The following GABRB1 variants were observed in gnomAD, a reference collection of about 807,000 sequenced individuals.
The protein encoded by GABRB1 is gamma-aminobutyric acid type A receptor subunit beta1.
In GABRB1, 17 loss-of-function variants were observed where a neutral mutation model predicts 51.6. The observed-to-expected ratio is 0.33, with a 90% CI of 0.23 to 0.49. The LOEUF is 0.49. Ranked by LOEUF, GABRB1 falls within the 20% of genes least tolerant of loss-of-function variation. The probability of loss-of-function intolerance (pLI) is 0.99; values close to 1 mark genes in which losing one functional copy is unlikely to be tolerated. For synonymous variants in GABRB1, 247 were observed against 218.9 expected, an observed-to-expected ratio of 1.13 and a Z score of -1.14; for missense variants, 410 against 600.6, an observed-to-expected ratio of 0.68 and a Z score of 3.32.
chr4:47,404,501 A>G (rs1031323103), intron 7 of GABRB1, among the ~76,000 whole-genome samples: 1 of 123,300 alleles, frequency 8.1e-6, no homozygotes, highest in Non-Finnish European at 1.7e-5. Context: ...ACACACACAC[A>G]CACACACACA....
chr4:47,031,181 G>T (rs866927113), upstream of GABRB1, among the ~76,000 whole-genome samples: 25 of 151,694 alleles, frequency 1.6e-4, no homozygotes, highest in Middle Eastern at 0.01. Context: ...ACATCCTCCC[G>T]GTGCCCGCCA....
intron 2 of GABRB1, among the ~76,000 whole-genome samples, 166 bp from the exon 3 acceptor site, chr4:47,032,251 G>T (rs776623107): frequency 6.6e-6 from 1 of 151,950 alleles, no homozygotes; most frequent in Non-Finnish European, 1.5e-5. Context: ...ACTGCATCAC[G>T]CGTGTGCCCA....
chr4:47,023,706 CAT>C (rs1299557071), intron 1 of GABRB1, among the ~76,000 whole-genome samples: 2 of 151,710 alleles, frequency 1.3e-5, no homozygotes, highest in African/African-American at 4.9e-5. Flanking sequence ...TGGGATTTCA[CAT>C]GTGTAAATAA....
intron 4 of GABRB1, among the ~76,000 whole-genome samples, chr4:47,291,577 T>C (rs1234255491): frequency 1.3e-5 from 2 of 151,998 alleles, no homozygotes; most frequent in African/African-American, 4.8e-5. Context: ...TGCCAGCCCA[T>C]GAAAGCAACT....
At chr4:47,139,932 A>G (rs1292042560) in intron 3 of GABRB1, among the ~76,000 whole-genome samples, 1 of 152,046 alleles carries the variant, frequency 6.6e-6, no homozygotes, top group Non-Finnish European at 1.5e-5. Flanking sequence ...CAACAAAAGT[A>G]CATATAATTT....
intron 3 of GABRB1, among the ~76,000 whole-genome samples, chr4:47,041,902 G>A (rs138245030): frequency 5.6e-4 from 85 of 151,974 alleles, no homozygotes; most frequent in African/African-American, 1.9e-3. Context: ...ACTTCAAATC[G>A]TATTTTTTCT....
chr4:47,019,888 A>AATATATGTATATGTATATG, intron 1 of GABRB1, among the ~76,000 whole-genome samples: 1 of 139,684 alleles, frequency 7.2e-6, no homozygotes, highest in East Asian at 2.0e-4. Flanking sequence ...TATATATATA[A>AATATATGTATATGTATATG]TATATGTATA....
intron 4 of GABRB1, among the ~76,000 whole-genome samples, chr4:47,242,047 C>A (rs1177145254): frequency 3.3e-5 from 5 of 152,038 alleles, no homozygotes; most frequent in Non-Finnish European, 7.4e-5. Context: ...TCCACCCACC[C>A]CACGACAGGC....
intron 5 of GABRB1, among the ~76,000 whole-genome samples, chr4:47,382,619 T>G (rs1228879675): frequency 6.6e-6 from 1 of 152,210 alleles, no homozygotes; most frequent in Admixed American, 6.5e-5. Context: ...GTCATGGAAC[T>G]CTGTACTTCC....
intron 3 of GABRB1, among the ~76,000 whole-genome samples, chr4:47,046,258 C>T (rs752490717): frequency 6.6e-6 from 1 of 151,972 alleles, no homozygotes; most frequent in African/African-American, 2.4e-5. Flanking sequence ...TGAGGACGGA[C>T]TAATACAGTG....
At chr4:47,062,559 A>G (rs1726889131) in intron 3 of GABRB1, among the ~76,000 whole-genome samples, 1 of 152,046 alleles carries the variant, frequency 6.6e-6, no homozygotes, top group Admixed American at 6.5e-5. Context: ...CGTATATCCT[A>G]GGAGAATATA....
At chr4:47,193,852 C>T (rs1042842157) in intron 4 of GABRB1, among the ~76,000 whole-genome samples, 22 of 152,118 alleles carry the variant, frequency 1.4e-4, no homozygotes, top group African/African-American at 4.8e-4. Context: ...CATCATCTGA[C>T]AATGATAGAT....
chr4:47,089,152 C>T (rs74778188), intron 3 of GABRB1, among the ~76,000 whole-genome samples: 4,733 of 152,264 alleles, frequency 0.031, 93 homozygotes, highest in Non-Finnish European at 0.048. Flanking sequence ...GGAAAAACCT[C>T]CAAAACCTTA....
At chr4:47,062,580 C>T (rs575409790) in intron 3 of GABRB1, among the ~76,000 whole-genome samples, 2 of 151,992 alleles carry the variant, frequency 1.3e-5, no homozygotes, top group East Asian at 3.9e-4. Flanking sequence ...ATATTTTGCT[C>T]TTCTTCTTCA....
intron 4 of GABRB1, among the ~76,000 whole-genome samples, chr4:47,243,619 A>T (rs1395552026): frequency 6.6e-6 from 1 of 152,080 alleles, no homozygotes; most frequent in Non-Finnish European, 1.5e-5. Flanking sequence ...TGTAAGTTGG[A>T]TTCCTAGGTA....
At chr4:47,363,556 G>A (rs966951182) in intron 5 of GABRB1, among the ~76,000 whole-genome samples, 1 of 152,098 alleles carries the variant, frequency 6.6e-6, no homozygotes, top group Non-Finnish European at 1.5e-5. Flanking sequence ...ATACCAGTAA[G>A]CAGAAAGAGG....
At chr4:47,178,862 A>C (rs1468140156) in intron 4 of GABRB1, among the ~76,000 whole-genome samples, 1 of 152,082 alleles carries the variant, frequency 6.6e-6, no homozygotes, top group Non-Finnish European at 1.5e-5. Flanking sequence ...CAGTATAATG[A>C]GTCGCTTTGT....
At chr4:47,028,167 A>G (rs1412796289), upstream of GABRB1, among the ~76,000 whole-genome samples, 1 of 151,668 alleles carries the variant, frequency 6.6e-6, no homozygotes, top group African/African-American at 2.4e-5. Flanking sequence ...TATTTTTTTA[A>G]ATATTTTCTA....
upstream of GABRB1, among the ~76,000 whole-genome samples, chr4:47,029,928 T>C (rs538521197): frequency 6.6e-6 from 1 of 152,260 alleles, no homozygotes; most frequent in Admixed American, 6.5e-5. Context: ...CACAATAATG[T>C]CTTGATATCT....
Sources: allele counts gnomAD v4.1 joint callset (sites outside exome capture counted in the v4.1 genomes callset), GRCh38; gene constraint gnomAD v4.1.1; transcripts MANE v1.5; gene names NCBI Gene and HGNC (gene_info 2026-07-23, HGNC 2026-07-21).